RIMS2: variants seen among roughly 807,000 people sequenced by gnomAD.
The protein encoded by RIMS2 is regulating synaptic membrane exocytosis 2.
A neutral mutation model predicts 174.4 loss-of-function variants in RIMS2; 59 were observed. The observed-to-expected ratio is 0.34, with a 90% CI of 0.27 to 0.42. The LOEUF (loss-of-function observed/expected upper bound fraction) is 0.42, where lower values mean the gene tolerates loss of function less well. RIMS2 is among the 10% of genes least tolerant of loss of function. RIMS2 has a pLI of 1.00. For synonymous variants in RIMS2, 606 were observed against 572.5 expected (o/e 1.06, Z -0.84); for missense variants, 1,620 against 1,666.3 (o/e 0.97, Z 0.48).
chr8:103,607,136 G>A (rs1368789582), intron 1 of RIMS2, among the ~76,000 whole-genome samples: 1 of 152,046 alleles, frequency 6.6e-6, no homozygotes, highest in African/African-American at 2.4e-5. Context: ...GCAGTGGCTG[G>A]TGCCGGTTGT....
At chr8:103,907,107 A>G (rs1259122896) in intron 4 of RIMS2, among the ~76,000 whole-genome samples, 1 of 152,176 alleles carries the variant, frequency 6.6e-6, no homozygotes, top group Admixed American at 6.5e-5. Context: ...GAAACATCTA[A>G]CCATAATCAT....
chr8:103,518,457 G>A (rs985462931), intron 1 of RIMS2, among the ~76,000 whole-genome samples: 30 of 152,156 alleles, frequency 2.0e-4, no homozygotes, highest in African/African-American at 5.1e-4. Context: ...TGTGGCCTGC[G>A]GTCTGCGGGT....
At chr8:103,637,086 T>G (rs1296778383) in intron 1 of RIMS2, among the ~76,000 whole-genome samples, 1 of 152,182 alleles carries the variant, frequency 6.6e-6, no homozygotes, top group Non-Finnish European at 1.5e-5. Context: ...TTGCCAGTTT[T>G]TCTTGGCTTT....
intron 19 of RIMS2, among the ~76,000 whole-genome samples, chr8:104,185,771 A>G (rs1442813946): frequency 6.6e-6 from 1 of 151,640 alleles, no homozygotes; most frequent in Non-Finnish European, 1.5e-5. Context: ...ACCCTTATAC[A>G]CTGTTGATAG....
At chr8:103,970,268 A>T (rs1043082909) in intron 15 of RIMS2, among the ~76,000 whole-genome samples, 1 of 152,082 alleles carries the variant, frequency 6.6e-6, no homozygotes, top group Non-Finnish European at 1.5e-5. Context: ...GTGGAACAAG[A>T]TGGTTAGAGT....
At chr8:103,821,363 T>C (rs2098750605) in intron 3 of RIMS2, among the ~76,000 whole-genome samples, 1 of 151,724 alleles carries the variant, frequency 6.6e-6, no homozygotes, top group South Asian at 2.1e-4. Flanking sequence ...TTAACTTATA[T>C]TGATTATTAT....
intron 19 of RIMS2, among the ~76,000 whole-genome samples, chr8:104,027,904 A>T (rs2096289567): frequency 6.6e-6 from 1 of 152,158 alleles, no homozygotes; most frequent in African/African-American, 2.4e-5. Context: ...ATATAATATT[A>T]TACAAATCTT....
intron 19 of RIMS2, among the ~76,000 whole-genome samples, chr8:104,059,648 A>G (rs1336641696): frequency 6.9e-6 from 1 of 145,832 alleles, no homozygotes; most frequent in Non-Finnish European, 1.5e-5. Flanking sequence ...GTCTTGTGCC[A>G]GTTTTCAAAG....
intron 19 of RIMS2, among the ~76,000 whole-genome samples, chr8:104,144,463 A>G (rs1434988230): frequency 6.6e-6 from 1 of 152,186 alleles, no homozygotes; most frequent in African/African-American, 2.4e-5. Context: ...AATTTGATTT[A>G]CATAAAAGAA....
At chr8:103,572,759 TTTTA>T (rs1267965599) in intron 1 of RIMS2, among the ~76,000 whole-genome samples, 1 of 152,124 alleles carries the variant, frequency 6.6e-6, no homozygotes, top group Non-Finnish European at 1.5e-5. Context: ...GTCATTTATT[TTTTA>T]TTTGTCAATT....
chr8:103,771,293 GATTTTTTTCTGGTTAAGAAAATA>G (rs1323850576), intron 3 of RIMS2, among the ~76,000 whole-genome samples: 2 of 151,990 alleles, frequency 1.3e-5, no homozygotes, highest in Non-Finnish European at 2.9e-5. Context: ...TGTAAAACTG[GATTTTTTTCTGGTTAAGAAAATA>G]AAATTAGTGA....
chr8:104,242,366 C>G (rs2139910618), intron 19 of RIMS2, among the ~76,000 whole-genome samples: 1 of 152,176 alleles, frequency 6.6e-6, no homozygotes, highest in South Asian at 2.1e-4. Context: ...TAAAAAATAA[C>G]AATTTTCTAA....
At chr8:104,025,645 TG>T (rs1380128600) in intron 19 of RIMS2, among the ~76,000 whole-genome samples, 2 of 152,116 alleles carry the variant, frequency 1.3e-5, no homozygotes, top group Non-Finnish European at 2.9e-5. Context: ...TGAAAATTTT[TG>T]TTTTATATTT....
intron 1 of RIMS2, among the ~76,000 whole-genome samples, chr8:103,564,397 G>A (rs1026112285): frequency 1.3e-5 from 2 of 152,086 alleles, no homozygotes; most frequent in Non-Finnish European, 2.9e-5. Flanking sequence ...TATATAAAGG[G>A]GAGTTTATTA....
chr8:103,899,855 C>T (rs1439447485), intron 4 of RIMS2, among the ~76,000 whole-genome samples: 3 of 151,668 alleles, frequency 2.0e-5, no homozygotes, highest in African/African-American at 7.3e-5. Flanking sequence ...GGTTTTAGGT[C>T]TAACATTTAA....
At chr8:103,980,725 A>G (rs2093826439) in intron 16 of RIMS2, among the ~76,000 whole-genome samples, 1 of 152,144 alleles carries the variant, frequency 6.6e-6, no homozygotes, top group Non-Finnish European at 1.5e-5. Context: ...CAGGCCTGGC[A>G]GCATTTACCA....
chr8:103,836,266 TAA>T (rs796699643), intron 3 of RIMS2, among the ~76,000 whole-genome samples: 24 of 152,312 alleles, frequency 1.6e-4, no homozygotes, highest in African/African-American at 5.8e-4. Context: ...TTTAAATTAA[TAA>T]GTTTTCAAGC....
intron 19 of RIMS2, among the ~76,000 whole-genome samples, chr8:104,090,361 T>G (rs2154564579): frequency 6.6e-6 from 1 of 151,804 alleles, no homozygotes; most frequent in African/African-American, 2.4e-5. Context: ...AAAGCCTTTA[T>G]GCACCTATGA....
chr8:103,931,527 T>C, intron 12 of RIMS2, 134 bp downstream of exon 14: 1 of 520,018 alleles, frequency 1.9e-6, no homozygotes, highest in South Asian at 3.9e-5. Flanking sequence ...AACGTGATGT[T>C]CTTAGGAAAC....
Sources: gnomAD v4.1 joint callset for allele counts (sites outside exome capture counted in the v4.1 genomes callset) on GRCh38, gnomAD v4.1.1 for gene constraint, MANE v1.5 for transcripts, NCBI Gene and HGNC (gene_info 2026-07-23, HGNC 2026-07-21) for gene names.